Variants in PPIL1 observed in about 807,000 individuals in gnomAD.
PPIL1 encodes peptidyl-prolyl cis-trans isomerase-like 1.
Under a neutral mutation model 19.4 loss-of-function variants are expected in PPIL1, and 14 were observed. That is an observed-to-expected ratio of 0.72 (90% CI 0.48 to 1.13). The LOEUF (loss-of-function observed/expected upper bound fraction) is 1.13, where lower values mean the gene tolerates loss of function less well. PPIL1 is among the 50% of genes most tolerant of loss of function. The probability of loss-of-function intolerance (pLI) is 0.00; values close to 1 mark genes in which losing one functional copy is unlikely to be tolerated. For missense variants in PPIL1, 192 were observed against 218.0 expected, an observed-to-expected ratio of 0.88 and a Z score of 0.75; for synonymous variants, 72 against 73.6, an observed-to-expected ratio of 0.98 and a Z score of 0.11.
At chr6:36,874,544 G>A (rs72846078) in intron 1 of PPIL1, among the ~76,000 whole-genome samples, 173 bp downstream of exon 1, 14,638 of 152,306 alleles carry the variant, frequency 0.096, 797 homozygotes, top group South Asian at 0.12. Context: ...GCGGAGCTTG[G>A]ACGCGGGCGA....
At chr6:36,863,261 C>T (rs1209006636) in intron 2 of PPIL1, among the ~76,000 whole-genome samples, 1 of 152,212 alleles carries the variant, frequency 6.6e-6, no homozygotes, top group Non-Finnish European at 1.5e-5. Flanking sequence ...ATTTCCACCA[C>T]TCCCTCGCTG....
chr6:36,870,096 C>T (rs962699399), intron 2 of PPIL1, among the ~76,000 whole-genome samples: 9 of 124,240 alleles, frequency 7.2e-5, no homozygotes, highest in African/African-American at 2.5e-4. Flanking sequence ...CATCCATATA[C>T]ATTAAAAAAA....
At position 36,855,961 on chromosome 6, in the gene PPIL1, G is replaced by T. The variant is rs549759641; in HGVS notation, c.353C>A (p.Pro118His). 1 of 1,614,212 alleles carries T rather than the reference G, an allele frequency of 6.2e-7. No homozygotes were observed. The highest frequency in any genetic ancestry group is 1.7e-5 in the Admixed American group (1 of 60,024). Residue 118 changes from proline (P) to histidine (H), a missense_variant, in exon 4 of 4, where the codon CCC becomes CAC. Transcript: ENST00000373699. ...GTGTTTGCCGTCAAGCCACTGGGTG[G>T]GGGCGAGGGTCACAAAGAACTGGCT... ...NGSQFFVTLA[P>H]TQWLDGKHTI...
rs746918930 is a variant in PPIL1 at position 36,866,756 on chromosome 6, GGAA to G, written c.211+4959_211+4961del. On this transcript the variant is annotated intron_variant, in intron 2 of 3. Transcript: ENST00000373699. ...TTCATAACAACATGAGGGGGAGAGA[GGAA>G]GAAGACAGGAAAGAAGTACATCGAA... 2.6e-5 allele frequency among the ~76,000 whole-genome samples: 4 copies of G among 152,188 alleles called. No individual in the cohort carries two copies. The East Asian group carries it at 5.8e-4, about 22-fold the overall frequency.
At chr6:36,874,567 C>T (rs1269383591) in intron 1 of PPIL1, 150 bp downstream of exon 1, 14 of 1,096,246 alleles carry the variant, frequency 1.3e-5, no homozygotes, top group Non-Finnish European at 1.9e-5. Context: ...GCGGTCCCCT[C>T]TCAACCCTCT....
intron 2 of PPIL1, among the ~76,000 whole-genome samples, chr6:36,869,010 T>C (rs954980919): frequency 2.6e-5 from 4 of 152,120 alleles, no homozygotes; most frequent in Non-Finnish European, 4.4e-5. Context: ...TTAGAGATAG[T>C]GTCTCACTGT....
intron 2 of PPIL1, among the ~76,000 whole-genome samples, chr6:36,867,883 G>A (rs1774426650): frequency 6.6e-6 from 1 of 152,374 alleles, no homozygotes; most frequent in East Asian, 1.9e-4. Context: ...CATAAGTGGG[G>A]AGAATGACAA....
rs1209621168 is a variant in PPIL1 at position 36,871,783 on chromosome 6, T to C, written c.146A>G (p.Asn49Ser). ...FAELARRGYY[N>S]GTKFHRIIKD... is the part of the protein sequence containing the mutation. ...GATAATTCTGTGGAATTTTGTGCCA[T>C]TGTAGTAACCTCGACGAGCCAACTC... Residue 49 changes from asparagine to serine, a missense_variant, in exon 2 of 4, where the codon AAT becomes AGT. Asn to Ser is a conservative substitution (Grantham distance 46). Coordinates refer to ENST00000373699, the MANE Select transcript of PPIL1 (RefSeq NM_016059.5). 3.1e-6 allele frequency: 5 copies of C among 1,611,698 alleles called. No individual in the cohort carries two copies. The highest frequency in any genetic ancestry group is 1.3e-5 in the African/African-American group (1 of 74,898).
At chr6:36,864,379 C>T (rs1157406209) in intron 2 of PPIL1, among the ~76,000 whole-genome samples, 1 of 152,190 alleles carries the variant, frequency 6.6e-6, no homozygotes, top group South Asian at 2.1e-4. Context: ...TCCAGCTACA[C>T]TGGCCCCTGT....
Position 36,855,513 on chromosome 6 carries a change from G to T in PPIL1, c.*300C>A. On this transcript the variant is annotated 3_prime_UTR_variant, in exon 4 of 4. Coordinates refer to ENST00000373699, the MANE Select transcript of PPIL1 (RefSeq NM_016059.5). The stretch of plus-strand genomic sequence containing the variant: ...AATGACAGTGGCTGCTACATTGTTC[G>T]ACGTATATCAGAGCAGACATGCACA... The T allele has an allele frequency of 2.8e-6, 1 of 354,374 alleles. No individual in the cohort carries two copies. The highest frequency in any genetic ancestry group is 5.4e-6 in the Non-Finnish European group (1 of 186,100). 22.0% of individuals were successfully genotyped at this position (354,374 alleles called of 1,614,324 possible).
chr6:36,861,954 C>T (rs931391007), intron 2 of PPIL1, among the ~76,000 whole-genome samples: 3 of 152,148 alleles, frequency 2.0e-5, no homozygotes, highest in Admixed American at 6.5e-5. Context: ...CCTCGGCTTC[C>T]CAAAGTGCTG....
chr6:36,861,024 C>A (rs66474948), intron 2 of PPIL1, among the ~76,000 whole-genome samples: 2 of 151,850 alleles, frequency 1.3e-5, no homozygotes, highest in South Asian at 4.2e-4. Context: ...AGGATCTTTC[C>A]AATGTTTTGG....
chr6:36,873,098 T>C (rs920527671), intron 1 of PPIL1, among the ~76,000 whole-genome samples: 7 of 152,256 alleles, frequency 4.6e-5, no homozygotes, highest in African/African-American at 1.7e-4. Flanking sequence ...TGTGGTACTC[T>C]TTCCCTCATG....
chr6:36,868,407 CA>C (rs1354820064), intron 2 of PPIL1, among the ~76,000 whole-genome samples: 14 of 151,924 alleles, frequency 9.2e-5, no homozygotes, highest in African/African-American at 3.4e-4. Flanking sequence ...GGTGATGAAA[CA>C]AATAACTATA....
chr6:36,870,542 T>G (rs1583119426), intron 2 of PPIL1, among the ~76,000 whole-genome samples: 1 of 152,304 alleles, frequency 6.6e-6, no homozygotes, highest in East Asian at 1.9e-4. Context: ...CCCCAAACAA[T>G]ACAGTACAAC....
chr6:36,869,207 C>T (rs1438419095), intron 2 of PPIL1, among the ~76,000 whole-genome samples: 1 of 152,178 alleles, frequency 6.6e-6, no homozygotes, highest in Non-Finnish European at 1.5e-5. Context: ...TGGTCTTGAA[C>T]TCCTGAACTC....
chr6:36,865,220 C>T (rs1000899979), intron 2 of PPIL1, among the ~76,000 whole-genome samples: 3 of 152,232 alleles, frequency 2.0e-5, no homozygotes, highest in Non-Finnish European at 4.4e-5. Context: ...CTGAACCAAA[C>T]TGTCTTGCCA....
chr6:36,864,829 T>C (rs569423054), intron 2 of PPIL1, among the ~76,000 whole-genome samples: 1 of 152,320 alleles, frequency 6.6e-6, no homozygotes, highest in Non-Finnish European at 1.5e-5. Flanking sequence ...CTGCCATCCC[T>C]GAGAGTATAT....
intron 1 of PPIL1, among the ~76,000 whole-genome samples, chr6:36,873,769 C>T (rs1774571643): frequency 6.6e-6 from 1 of 152,060 alleles, no homozygotes. Flanking sequence ...CTGAAAGCAG[C>T]AATGGGCAAG....
Sources: gnomAD v4.1 joint callset for allele counts (sites outside exome capture counted in the v4.1 genomes callset) on GRCh38, gnomAD v4.1.1 for gene constraint, MANE v1.5 for transcripts, NCBI Gene and HGNC (gene_info 2026-07-23, HGNC 2026-07-21) for gene names.